ANKRD11: variants seen among roughly 807,000 people sequenced by gnomAD.
ANKRD11 encodes ankyrin repeat domain-containing protein 11.
In ANKRD11, 17 loss-of-function variants were observed where a neutral mutation model predicts 195.7. The ratio of observed to expected loss-of-function variants is 0.09; its 90% CI spans 0.06 to 0.13. The LOEUF is 0.13. Ranked by LOEUF, ANKRD11 falls within the 10% of genes least tolerant of loss-of-function variation. ANKRD11 has a pLI of 1.00. For missense variants in ANKRD11, 3,735 were observed against 3,566.1 expected (o/e 1.05, Z -1.21); for synonymous variants, 1,953 against 1,528.1 (o/e 1.28, Z -6.49).
intron 2 of ANKRD11, among the ~76,000 whole-genome samples, chr16:89,402,655 G>A (rs1300051627): frequency 6.6e-6 from 1 of 150,534 alleles, no homozygotes; most frequent in Non-Finnish European, 1.5e-5. Context: ...CAGCACTGCA[G>A]GGTGAGGTGA....
intron 2 of ANKRD11, among the ~76,000 whole-genome samples, chr16:89,347,231 T>A (rs1006921897): frequency 4.6e-5 from 7 of 152,166 alleles, no homozygotes; most frequent in African/African-American, 1.7e-4. Context: ...TCTCTGGCAG[T>A]GTAGCCTTGA....
intron 1 of ANKRD11, among the ~76,000 whole-genome samples, chr16:89,475,423 T>C (rs994697320): frequency 4.6e-5 from 7 of 152,168 alleles, no homozygotes; most frequent in Non-Finnish European, 5.9e-5. Flanking sequence ...ACTGTTTCTA[T>C]AGCAACCAGA....
rs181247278 is a variant in ANKRD11 at position 89,282,087 on chromosome 16, C to T, written c.4455G>A (p.Leu1485=). 1.1e-5 allele frequency: 17 copies of T among 1,614,042 alleles called. No individual in the cohort carries two copies. In the Admixed American group the frequency reaches 2.8e-4, roughly 27 times the overall value. ...RHRDRHADGL[L]RHHRDELLRH... is the part of the protein sequence containing the mutation. ...GCAGGAGCTCGTCCCTGTGATGCCG[C>T]AGCAGCCCATCCGCATGCCTGTCCC... The change falls in exon 9 of 13, where the codon CTG becomes CTA. Residue 1485 remains leucine, a synonymous_variant. Coordinates refer to ENST00000301030, the MANE Select transcript of ANKRD11 (RefSeq NM_013275.6).
At chr16:89,269,719 T>C (rs1470420034) in intron 12 of ANKRD11, among the ~76,000 whole-genome samples, 1 of 152,056 alleles carries the variant, frequency 6.6e-6, no homozygotes, top group African/African-American at 2.4e-5. Context: ...TTCTCATGCC[T>C]CAGTCTCCCG....
In ANKRD11 at chr16:89,283,570, C is replaced by A. The variant is rs2034434848; in HGVS notation, c.2972G>T (p.Gly991Val). Reference sequence around the variant, plus strand: ...CGGCTCCAGGCCCTTCCCAAAGTCGCCGTCGGACTTGTCCTTGAAGCCACT... The same window carrying A: ...CGGCTCCAGGCCCTTCCCAAAGTCGACGTCGGACTTGTCCTTGAAGCCACT... ...CESGFKDKSD[G>V]DFGKGLEPWE... The change falls in exon 9 of 13, where the codon GGC (glycine) becomes GTC (valine). Residue 991 changes from glycine to valine, a missense_variant. Coordinates refer to ENST00000301030, the MANE Select transcript of ANKRD11 (RefSeq NM_013275.6). The surrounding 1 kb of genome is among the most constrained non-coding windows in gnomAD (Gnocchi z 4.3). The A allele has an allele frequency of 6.2e-7, 1 of 1,610,996 alleles. No homozygotes were observed. The highest frequency in any genetic ancestry group is 1.3e-5 in the African/African-American group (1 of 74,930).
At chr16:89,306,464 C>T (rs867613787) in intron 3 of ANKRD11, among the ~76,000 whole-genome samples, 54 of 43,936 alleles carry the variant, frequency 1.2e-3, no homozygotes, top group South Asian at 2.6e-3. Context: ...ACGCGCCACC[C>T]ACCTCCCACT....
intron 1 of ANKRD11, among the ~76,000 whole-genome samples, chr16:89,440,068 C>G (rs866795830): frequency 6.6e-6 from 1 of 152,162 alleles, no homozygotes; most frequent in South Asian, 2.1e-4. Flanking sequence ...GAGATCACAG[C>G]CTTTCAGGAC....
intron 11 of ANKRD11, 52 bp downstream of exon 11, chr16:89,274,762 G>A: frequency 1.9e-6 from 3 of 1,601,394 alleles, no homozygotes; most frequent in South Asian, 2.2e-5. Flanking sequence ...AGGGGAGGCG[G>A]GCAGGGTGCA....
rs1205451323 is a variant in ANKRD11 at position 89,285,527 on chromosome 16, C to A, written c.1015G>T (p.Ala339Ser). 2 of 1,614,004 alleles carry A rather than the reference C, an allele frequency of 1.2e-6. No individual in the cohort carries two copies. The highest frequency in any genetic ancestry group is 1.6e-4 in the Middle Eastern group (1 of 6,062). Reference protein sequence around the residue: ...HKAKNPEPQKATAPVKDEYEF... With the variant: ...HKAKNPEPQKSTAPVKDEYEF... ...TACTCGTCCTTGACGGGGGCCGTGG[C>A]CTTCTGTGGCTCTGGGTTCTTGGCC... The change falls in exon 9 of 13, where the codon GCC (alanine) becomes TCC (serine). Residue 339 changes from alanine (A) to serine (S), a missense_variant. Ala to Ser is a moderately conservative substitution (Grantham distance 99). Coordinates refer to ENST00000301030, the MANE Select transcript of ANKRD11 (RefSeq NM_013275.6). The surrounding 1 kb of genome is among the most constrained non-coding windows in gnomAD (Gnocchi z 5.6).
intron 2 of ANKRD11, among the ~76,000 whole-genome samples, chr16:89,397,436 C>T (rs1197433558): frequency 6.6e-6 from 1 of 152,222 alleles, no homozygotes; most frequent in East Asian, 1.9e-4. Context: ...AGCGCCGTAC[C>T]ACTCCCTGCC....
intron 1 of ANKRD11, among the ~76,000 whole-genome samples, chr16:89,479,063 T>C (rs370853815): frequency 2.0e-3 from 306 of 152,178 alleles, no homozygotes; most frequent in African/African-American, 7.1e-3. Flanking sequence ...ACCCACACCT[T>C]TGGCAGCTGT....
chr16:89,415,191 T>C (rs1207116135), intron 2 of ANKRD11, among the ~76,000 whole-genome samples: 1 of 151,164 alleles, frequency 6.6e-6, no homozygotes, highest in Non-Finnish European at 1.5e-5. Context: ...TGAGCTCAAG[T>C]GATCTACCCA....
At chr16:89,310,748 G>A (rs768313738) in intron 3 of ANKRD11, among the ~76,000 whole-genome samples, 3 of 152,156 alleles carry the variant, frequency 2.0e-5, no homozygotes, top group Non-Finnish European at 2.9e-5. Context: ...TTATTTACGA[G>A]TATTTAGAAA....
Position 89,282,617 on chromosome 16 carries a change from T to C in ANKRD11, c.3925A>G (p.Thr1309Ala). 1.2e-6 allele frequency: 2 copies of C among 1,614,240 alleles called. No homozygotes were observed. The highest frequency in any genetic ancestry group is 1.7e-6 in the Non-Finnish European group (2 of 1,180,044). ...AGCCCCGGCTCCTGCCCTCGGTCCG[T>C]GAAGCTGTCAGAGGAGACCTCGCTG... The part of the protein sequence containing the change: ...KISEVSSDSF[T>A]DRGQEPGLTA... The change falls in exon 9 of 13, where the codon ACG becomes GCG. Residue 1309 changes from threonine to alanine, a missense_variant. Coordinates refer to ENST00000301030, the MANE Select transcript of ANKRD11 (RefSeq NM_013275.6).
At chr16:89,320,497 G>C (rs142074354) in intron 2 of ANKRD11, 11 of 152,380 alleles carry the variant, frequency 7.2e-5, no homozygotes, top group African/African-American at 2.2e-4. Flanking sequence ...ACGCAGAGCC[G>C]AGGGGCCGGC....
At chr16:89,409,267 GAATAA>G (rs2042026764) in intron 2 of ANKRD11, among the ~76,000 whole-genome samples, 1 of 152,202 alleles carries the variant, frequency 6.6e-6, no homozygotes, top group Non-Finnish European at 1.5e-5. Context: ...CCTGGTGTTA[GAATAA>G]ATCACTAGGC....
At chr16:89,327,880 G>A (rs1382840668) in intron 2 of ANKRD11, among the ~76,000 whole-genome samples, 1 of 152,120 alleles carries the variant, frequency 6.6e-6, no homozygotes, top group Non-Finnish European at 1.5e-5. Flanking sequence ...AGAAAAAACT[G>A]ATAAACGACC....
intron 2 of ANKRD11, among the ~76,000 whole-genome samples, chr16:89,340,552 G>C (rs926167848): frequency 2.6e-5 from 4 of 152,234 alleles, no homozygotes; most frequent in Admixed American, 2.6e-4. Flanking sequence ...TGGGATTACA[G>C]GCATGAGCCA....
intron 1 of ANKRD11, among the ~76,000 whole-genome samples, chr16:89,454,425 G>C (rs536062814): frequency 6.6e-6 from 1 of 152,104 alleles, no homozygotes; most frequent in African/African-American, 2.4e-5. Context: ...CTAAGAAAAG[G>C]CAACTTTCTA....
Sources: gnomAD v4.1 joint callset for allele counts (sites outside exome capture counted in the v4.1 genomes callset) on GRCh38, gnomAD v4.1.1 for gene constraint, Gnocchi (gnomAD v3.1) non-coding constraint, MANE v1.5 for transcripts, NCBI Gene and HGNC (gene_info 2026-07-23, HGNC 2026-07-21) for gene names.